SLC35F3: variants seen among roughly 807,000 people sequenced by gnomAD.
The protein encoded by SLC35F3 is solute carrier family 35 member F3.
In SLC35F3, 25 loss-of-function variants were observed where a neutral mutation model predicts 49.9. The ratio of observed to expected loss-of-function variants is 0.50; its 90% CI spans 0.37 to 0.70. SLC35F3 has a LOEUF of 0.70. Among genes scored for constraint, SLC35F3 ranks in the 30% least tolerant of loss-of-function variants. SLC35F3 has a pLI of 0.00. For missense variants in SLC35F3, 525 were observed against 639.8 expected, an observed-to-expected ratio of 0.82 and a Z score of 1.94; for synonymous variants, 275 against 265.4, an observed-to-expected ratio of 1.04 and a Z score of -0.35.
chr1:233,924,070 A>G (rs934345940), intron 2 of SLC35F3, among the ~76,000 whole-genome samples: 3 of 152,272 alleles, frequency 2.0e-5, no homozygotes, highest in Admixed American at 1.3e-4. Flanking sequence ...GGATTTTTGC[A>G]TCGTTGTTCA....
intron 2 of SLC35F3, among the ~76,000 whole-genome samples, chr1:234,047,092 A>AT (rs554655876): frequency 6.6e-6 from 1 of 152,152 alleles, no homozygotes; most frequent in African/African-American, 2.4e-5. Flanking sequence ...GCTTTTTGAG[A>AT]TTTTGATTAA....
At chr1:233,912,404 G>T (rs1040888955) in intron 2 of SLC35F3, among the ~76,000 whole-genome samples, 1 of 152,116 alleles carries the variant, frequency 6.6e-6, no homozygotes, top group Non-Finnish European at 1.5e-5. Flanking sequence ...TTGAATCCGG[G>T]AGGCGGAGGT....
intron 2 of SLC35F3, among the ~76,000 whole-genome samples, chr1:234,148,936 A>T (rs1461524464): frequency 6.6e-6 from 1 of 152,174 alleles, no homozygotes; most frequent in Non-Finnish European, 1.5e-5. Flanking sequence ...GAAAACATGT[A>T]GGGGCATGAG....
intron 2 of SLC35F3, among the ~76,000 whole-genome samples, chr1:234,045,169 C>A (rs998822559): frequency 6.6e-6 from 1 of 152,100 alleles, no homozygotes; most frequent in Non-Finnish European, 1.5e-5. Flanking sequence ...AGAACTCATT[C>A]TCTCCCTCTC....
chr1:233,928,742 C>T (rs2102792132), intron 2 of SLC35F3, among the ~76,000 whole-genome samples: 1 of 152,102 alleles, frequency 6.6e-6, no homozygotes, highest in Non-Finnish European at 1.5e-5. Flanking sequence ...ATTATAGGGC[C>T]CTTTCAAAAG....
chr1:234,107,239 G>A (rs1433311817), intron 2 of SLC35F3, among the ~76,000 whole-genome samples: 2 of 152,268 alleles, frequency 1.3e-5, no homozygotes, highest in Admixed American at 6.5e-5. Context: ...GACAAAGCAA[G>A]TCAATGGCCA....
At chr1:233,948,633 A>G (rs1307180427) in intron 2 of SLC35F3, among the ~76,000 whole-genome samples, 1 of 151,770 alleles carries the variant, frequency 6.6e-6, no homozygotes, top group Non-Finnish European at 1.5e-5. Flanking sequence ...ACATATGTAT[A>G]CATGAGCCAT....
intron 3 of SLC35F3, among the ~76,000 whole-genome samples, chr1:234,278,723 G>A (rs1347691474): frequency 6.6e-6 from 1 of 152,086 alleles, no homozygotes; most frequent in East Asian, 1.9e-4. Flanking sequence ...GTCTGATGAG[G>A]ACCTATTTCC....
intron 2 of SLC35F3, among the ~76,000 whole-genome samples, chr1:234,179,323 GT>G (rs1666523373): frequency 6.6e-6 from 1 of 152,164 alleles, no homozygotes; most frequent in South Asian, 2.1e-4. Context: ...GGGAGACTTT[GT>G]TTTATAAAAC....
At chr1:234,143,195 TCTTTGTACC>T (rs1665942991) in intron 2 of SLC35F3, among the ~76,000 whole-genome samples, 1 of 152,026 alleles carries the variant, frequency 6.6e-6, no homozygotes, top group Non-Finnish European at 1.5e-5. Flanking sequence ...ACGTCCCTAC[TCTTTGTACC>T]CTTTGTCCCT....
At chr1:234,036,239 G>A (rs779011803) in intron 2 of SLC35F3, among the ~76,000 whole-genome samples, 15 of 152,128 alleles carry the variant, frequency 9.9e-5, no homozygotes, top group Admixed American at 5.9e-4. Context: ...ATTTTTGTTT[G>A]TTTGTTTTTA....
chr1:233,913,816 A>T (rs1661925046), intron 2 of SLC35F3, among the ~76,000 whole-genome samples: 2 of 152,196 alleles, frequency 1.3e-5, no homozygotes, highest in Non-Finnish European at 2.9e-5. Context: ...CTGACAAGTA[A>T]TCGCACTCCT....
At chr1:234,264,825 CTACAGGCA>C (rs755048669) in intron 3 of SLC35F3, among the ~76,000 whole-genome samples, 1 of 152,198 alleles carries the variant, frequency 6.6e-6, no homozygotes, top group Non-Finnish European at 1.5e-5. Flanking sequence ...GTAGCCAGGA[CTACAGGCA>C]TGCTCCTCCA....
rs1038832265 is a variant in SLC35F3 at position 234,271,008 on chromosome 1, C to T, written c.609-38093C>T. 3.3e-5 allele frequency among the ~76,000 whole-genome samples: 5 copies of T among 152,232 alleles called. No homozygotes were observed. In the East Asian group the frequency reaches 9.6e-4, roughly 29 times the overall value. On this transcript the variant is annotated intron_variant, in intron 3 of 7. Coordinates refer to ENST00000366618, the MANE Select transcript of SLC35F3 (RefSeq NM_173508.4). ...AGGGATCATCTTCTCTCCAGCAACA[C>T]AACTCCAACAGCAGAATAATTTGAT...
intron 2 of SLC35F3, among the ~76,000 whole-genome samples, chr1:234,058,919 CA>C (rs1415802905): frequency 6.6e-6 from 1 of 152,088 alleles, no homozygotes; most frequent in Non-Finnish European, 1.5e-5. Flanking sequence ...GTCTTTCTGG[CA>C]ATTTGTCCAT....
chr1:233,995,574 G>T (rs946192449), intron 2 of SLC35F3, among the ~76,000 whole-genome samples: 2 of 152,188 alleles, frequency 1.3e-5, no homozygotes, highest in African/African-American at 4.8e-5. Context: ...AAGTCAGCCA[G>T]GCAGTCAGCA....
At chr1:234,125,864 C>T (rs113530447) in intron 2 of SLC35F3, among the ~76,000 whole-genome samples, 4 of 152,282 alleles carry the variant, frequency 2.6e-5, no homozygotes, top group African/African-American at 4.8e-5. Context: ...ACCCCTCGTT[C>T]CCTAGTGACT....
chr1:233,987,394 T>C (rs1572009872), intron 2 of SLC35F3, among the ~76,000 whole-genome samples: 1 of 152,308 alleles, frequency 6.6e-6, no homozygotes, highest in East Asian at 1.9e-4. Context: ...TTACTGAGTA[T>C]GGAATTCTAA....
At chr1:234,236,036 CAGAT>C (rs1431655700) in intron 3 of SLC35F3, among the ~76,000 whole-genome samples, 2 of 152,044 alleles carry the variant, frequency 1.3e-5, no homozygotes, top group Non-Finnish European at 2.9e-5. Flanking sequence ...GAAAGGGAGT[CAGAT>C]AGCCAAACAG....
Sources: allele counts gnomAD v4.1 joint callset (sites outside exome capture counted in the v4.1 genomes callset), GRCh38; gene constraint gnomAD v4.1.1; transcripts MANE v1.5; gene names NCBI Gene and HGNC (gene_info 2026-07-23, HGNC 2026-07-21).